CSMD1: variants seen among roughly 807,000 people sequenced by gnomAD.
CSMD1 encodes the protein CUB and sushi domain-containing protein 1.
In CSMD1, 213 loss-of-function variants were observed where a neutral mutation model predicts 417.5. That is an observed-to-expected ratio of 0.51 (90% CI 0.46 to 0.57). The LOEUF (loss-of-function observed/expected upper bound fraction) is 0.57, where lower values mean the gene tolerates loss of function less well. Among genes scored for constraint, CSMD1 ranks in the 20% least tolerant of loss-of-function variants. The pLI is 0.00. For synonymous variants in CSMD1, 2,862 were observed against 1,736.8 expected, an observed-to-expected ratio of 1.65 and a Z score of -16.11; for missense variants, 6,923 against 4,529.7, an observed-to-expected ratio of 1.53 and a Z score of -15.17.
chr8:4,234,405 C>G (rs1444438747), intron 3 of CSMD1, among the ~76,000 whole-genome samples: 2 of 152,062 alleles, frequency 1.3e-5, no homozygotes, highest in African/African-American at 4.8e-5. Context: ...CCTGAACCAC[C>G]TCAGTCTGCT....
intron 26 of CSMD1, among the ~76,000 whole-genome samples, chr8:3,263,398 C>T (rs1801219394): frequency 1.3e-5 from 2 of 152,180 alleles, no homozygotes; most frequent in Admixed American, 6.5e-5. Context: ...CGTGCCAGGC[C>T]TTGCTTCATC....
chr8:4,108,938 G>C (rs573491384), intron 3 of CSMD1, among the ~76,000 whole-genome samples: 4 of 152,256 alleles, frequency 2.6e-5, no homozygotes, highest in East Asian at 1.9e-4. Flanking sequence ...CATCGCCTTA[G>C]AAATTGTCCA....
chr8:3,828,547 G>C (rs111812954), intron 5 of CSMD1, among the ~76,000 whole-genome samples: 2 of 151,974 alleles, frequency 1.3e-5, no homozygotes, highest in African/African-American at 4.8e-5. Flanking sequence ...CCACCTTCTT[G>C]TGTCTTACAG....
At chr8:3,178,110 T>C (rs907544016) in intron 37 of CSMD1, among the ~76,000 whole-genome samples, 8 of 152,226 alleles carry the variant, frequency 5.3e-5, no homozygotes, top group African/African-American at 1.9e-4. Context: ...CAGAGGATTC[T>C]GTAAGATCCC....
At chr8:3,718,026 C>T (rs1404700475) in intron 6 of CSMD1, among the ~76,000 whole-genome samples, 1 of 152,122 alleles carries the variant, frequency 6.6e-6, no homozygotes, top group African/African-American at 2.4e-5. Context: ...AGCCTCTCTG[C>T]CCACATTGTT....
At chr8:4,050,568 T>C (rs1798373348) in intron 3 of CSMD1, among the ~76,000 whole-genome samples, 1 of 152,104 alleles carries the variant, frequency 6.6e-6, no homozygotes, top group Non-Finnish European at 1.5e-5. Flanking sequence ...AACAATCTAA[T>C]CATACTACTT....
intron 12 of CSMD1, among the ~76,000 whole-genome samples, chr8:3,411,684 GTA>G (rs71199573): frequency 0.64 from 81,454 of 127,774 alleles, 27,068 homozygotes; most frequent in Middle Eastern, 0.79. Flanking sequence ...ATATATACGT[GTA>G]TATATACACA....
intron 10 of CSMD1, among the ~76,000 whole-genome samples, chr8:3,561,530 C>A (rs1799465812): frequency 6.6e-6 from 1 of 152,106 alleles, no homozygotes. Flanking sequence ...AATGGAAAGT[C>A]AAATACCACA....
intron 12 of CSMD1, among the ~76,000 whole-genome samples, chr8:3,418,994 C>T (rs546719560): frequency 6.6e-6 from 1 of 152,298 alleles, no homozygotes; most frequent in East Asian, 1.9e-4. Flanking sequence ...GAAAAATCAT[C>T]TTGCTATAGT....
chr8:3,262,206 T>C (rs1384324831), intron 26 of CSMD1, among the ~76,000 whole-genome samples: 6 of 93,242 alleles, frequency 6.4e-5, no homozygotes, highest in African/African-American at 1.4e-4. Flanking sequence ...TATATATATA[T>C]ATATATATAT....
intron 3 of CSMD1, among the ~76,000 whole-genome samples, chr8:4,243,033 G>C (rs919762513): frequency 1.3e-5 from 2 of 152,232 alleles, no homozygotes; most frequent in African/African-American, 2.4e-5. Context: ...GAATGGCAGA[G>C]GTTTTATCTG....
At chr8:4,117,635 G>A (rs770996381) in intron 3 of CSMD1, among the ~76,000 whole-genome samples, 1 of 152,188 alleles carries the variant, frequency 6.6e-6, no homozygotes, top group Non-Finnish European at 1.5e-5. Context: ...GTGTTAAAAC[G>A]CTGAAGCGCC....
chr8:3,346,822 T>C lies in CSMD1; in HGVS notation c.3474+1170A>G, dbSNP rs892350591. 3.3e-5 allele frequency among the ~76,000 whole-genome samples: 5 copies of C among 152,384 alleles called. No individual in the cohort carries two copies. The East Asian group carries it at 7.7e-4, about 23-fold the overall frequency. On this transcript the variant is annotated intron_variant, in intron 22 of 69. Transcript: ENST00000635120. Reference sequence around the variant, plus strand: ...ATACTGAATCTAAAATGCATCATTATGTGCATCTACGTAGATGTAAATTAA... The same window carrying C: ...ATACTGAATCTAAAATGCATCATTACGTGCATCTACGTAGATGTAAATTAA...
intron 21 of CSMD1, among the ~76,000 whole-genome samples, chr8:3,350,777 C>T (rs1313932291): frequency 4.6e-5 from 7 of 151,880 alleles, no homozygotes; most frequent in African/African-American, 1.7e-4. Context: ...CATTTGTATC[C>T]ATGTGAAGAA....
At chr8:3,221,801 C>A (rs180846723) in intron 28 of CSMD1, among the ~76,000 whole-genome samples, 10 of 152,126 alleles carry the variant, frequency 6.6e-5, no homozygotes, top group Non-Finnish European at 1.2e-4. Context: ...AATGGAACAT[C>A]CTCTCTCATC....
At chr8:4,582,081 T>C (rs935925519) in intron 2 of CSMD1, among the ~76,000 whole-genome samples, 3 of 151,956 alleles carry the variant, frequency 2.0e-5, no homozygotes, top group East Asian at 1.9e-4. Context: ...CTTTTTTTTT[T>C]TTGGTTTGTT....
intron 25 of CSMD1, among the ~76,000 whole-genome samples, chr8:3,295,620 G>T (rs1469003110): frequency 2.0e-5 from 3 of 152,104 alleles, no homozygotes; most frequent in Non-Finnish European, 4.4e-5. Context: ...ATCTTTCTAG[G>T]CCAGCATGAT....
At chr8:4,333,875 C>T (rs1351226745) in intron 3 of CSMD1, among the ~76,000 whole-genome samples, 1 of 152,008 alleles carries the variant, frequency 6.6e-6, no homozygotes, top group African/African-American at 2.4e-5. Context: ...GATTCTAATA[C>T]AATTTTTCCC....
intron 7 of CSMD1, among the ~76,000 whole-genome samples, chr8:3,629,892 T>A (rs1351395537): frequency 6.6e-6 from 1 of 152,194 alleles, no homozygotes; most frequent in African/African-American, 2.4e-5. Context: ...CCTTTTCACT[T>A]AGAAAAAAGT....
Sources: allele counts gnomAD v4.1 joint callset (sites outside exome capture counted in the v4.1 genomes callset), GRCh38; gene constraint gnomAD v4.1.1; transcripts MANE v1.5; gene names NCBI Gene and HGNC (gene_info 2026-07-23, HGNC 2026-07-21).